SLC1A2: variants seen among roughly 807,000 people sequenced by gnomAD.
The protein encoded by SLC1A2 is excitatory amino acid transporter 2.
A neutral mutation model predicts 48.8 loss-of-function variants in SLC1A2; 15 were observed. The ratio of observed to expected loss-of-function variants is 0.31; its 90% CI spans 0.21 to 0.47. SLC1A2 has a LOEUF of 0.47. Ranked by LOEUF, SLC1A2 falls within the 20% of genes least tolerant of loss-of-function variation. SLC1A2 has a pLI of 0.99. For missense variants in SLC1A2, 502 were observed against 730.5 expected, an observed-to-expected ratio of 0.69 and a Z score of 3.61; for synonymous variants, 279 against 272.6, an observed-to-expected ratio of 1.02 and a Z score of -0.23.
chr11:35,389,139 G>A (rs758890269), intron 1 of SLC1A2, among the ~76,000 whole-genome samples: 1 of 151,456 alleles, frequency 6.6e-6, no homozygotes, highest in Admixed American at 6.6e-5. Flanking sequence ...AAAACTGAGG[G>A]AAAAAAAATA....
At chr11:35,405,201 T>C (rs1176913118) in intron 1 of SLC1A2, among the ~76,000 whole-genome samples, 1 of 152,176 alleles carries the variant, frequency 6.6e-6, no homozygotes, top group East Asian at 1.9e-4. Context: ...TTTCAGGAAA[T>C]ATAAGAATAG....
intron 6 of SLC1A2, 64 bp from the exon 7 acceptor site, chr11:35,292,584 C>T: frequency 2.1e-6 from 2 of 951,732 alleles, no homozygotes. Context: ...ACCTGGGCCT[C>T]CTCTGTACCG....
intron 1 of SLC1A2, among the ~76,000 whole-genome samples, chr11:35,331,922 C>T (rs891524557): frequency 2.9e-4 from 44 of 152,078 alleles, no homozygotes; most frequent in African/African-American, 1.0e-3. Flanking sequence ...TGGGCCCTGT[C>T]CATGTTAGGT....
At chr11:35,375,381 G>C (rs1854189684) in intron 1 of SLC1A2, among the ~76,000 whole-genome samples, 1 of 152,226 alleles carries the variant, frequency 6.6e-6, no homozygotes, top group Non-Finnish European at 1.5e-5. Flanking sequence ...AGGAACAAGG[G>C]GAAGAGAGGA....
At chr11:35,338,396 G>A (rs116051349) in intron 1 of SLC1A2, among the ~76,000 whole-genome samples, 3,164 of 152,028 alleles carry the variant, frequency 0.021, 118 homozygotes, top group African/African-American at 0.072. Flanking sequence ...TCTAACTCCC[G>A]TCCCTATGGT....
intron 8 of SLC1A2, chr11:35,286,484 T>G (rs1388237126): frequency 3.9e-6 from 1 of 259,246 alleles, no homozygotes; most frequent in Non-Finnish European, 7.3e-6. Context: ...GCAAAGAAAT[T>G]ACCCTGCTTC....
chr11:35,392,428 GA>G (rs1004681232), intron 1 of SLC1A2: 3 of 152,238 alleles, frequency 2.0e-5, no homozygotes, highest in African/African-American at 7.2e-5. Context: ...CAGGGCGGTG[GA>G]AGTCACCAGG....
intron 1 of SLC1A2, among the ~76,000 whole-genome samples, chr11:35,361,195 G>T (rs903392364): frequency 2.6e-5 from 4 of 152,042 alleles, no homozygotes; most frequent in Non-Finnish European, 5.9e-5. Context: ...ATTTTAAGAT[G>T]ATGGGGGTCA....
intron 1 of SLC1A2, among the ~76,000 whole-genome samples, chr11:35,352,712 C>T (rs1467651986): frequency 6.6e-6 from 1 of 152,204 alleles, no homozygotes; most frequent in African/African-American, 2.4e-5. Flanking sequence ...TTTTGTAATA[C>T]ACCTTACTGG....
chr11:35,372,557 C>A (rs76591532), intron 1 of SLC1A2, among the ~76,000 whole-genome samples: 7,070 of 152,296 alleles, frequency 0.046, 239 homozygotes, highest in Non-Finnish European at 0.071. Flanking sequence ...TAGCAAAGGA[C>A]CAGCCACAAA....
chr11:35,370,271 C>T (rs74836573), intron 1 of SLC1A2, among the ~76,000 whole-genome samples: 1,633 of 152,246 alleles, frequency 0.011, 21 homozygotes, highest in Non-Finnish European at 0.018. Context: ...CCTCTAAGAA[C>T]TGGGGCTAGG....
At chr11:35,346,239 C>T (rs1404683803) in intron 1 of SLC1A2, among the ~76,000 whole-genome samples, 1 of 152,188 alleles carries the variant, frequency 6.6e-6, no homozygotes, top group Non-Finnish European at 1.5e-5. Flanking sequence ...TTAGCCATGG[C>T]TGCTTTCCAT....
At chr11:35,416,865 T>C (rs1320147341) in intron 1 of SLC1A2, among the ~76,000 whole-genome samples, 1 of 152,216 alleles carries the variant, frequency 6.6e-6, no homozygotes, top group East Asian at 1.9e-4. Context: ...AACAATTTAC[T>C]AATAAAAATC....
chr11:35,351,110 A>G (rs962180199), intron 1 of SLC1A2, among the ~76,000 whole-genome samples: 1 of 152,236 alleles, frequency 6.6e-6, no homozygotes, highest in Non-Finnish European at 1.5e-5. Context: ...TGAGTCAGGT[A>G]CTATCCTCCA....
chr11:35,322,453 C>T (rs1467406430), intron 1 of SLC1A2: 50 of 666,538 alleles, frequency 7.5e-5, no homozygotes, highest in Non-Finnish European at 7.9e-5. Flanking sequence ...CTCTTTTTTC[C>T]ACCTTCACTG....
chr11:35,347,124 A>T (rs1399527950), intron 1 of SLC1A2, among the ~76,000 whole-genome samples: 1 of 152,254 alleles, frequency 6.6e-6, no homozygotes, highest in Non-Finnish European at 1.5e-5. Context: ...GACAAGAAAA[A>T]AGAGTTTGGG....
intron 1 of SLC1A2, among the ~76,000 whole-genome samples, chr11:35,318,679 T>C (rs1302079213): frequency 2.6e-5 from 4 of 152,242 alleles, no homozygotes; most frequent in Non-Finnish European, 5.9e-5. Flanking sequence ...CAACTCTTGC[T>C]AGCTGTGTGG....
chr11:35,377,075 C>T (rs1336237149), intron 1 of SLC1A2, among the ~76,000 whole-genome samples: 1 of 152,218 alleles, frequency 6.6e-6, no homozygotes, highest in African/African-American at 2.4e-5. Flanking sequence ...GTATGTCCCC[C>T]CTTCCAATGT....
chr11:35,331,972 AC>A (rs1315109219), intron 1 of SLC1A2, among the ~76,000 whole-genome samples: 16 of 152,250 alleles, frequency 1.1e-4, no homozygotes, highest in Admixed American at 9.2e-4. Context: ...ATTTGGAGGT[AC>A]TAAGGGGACC....
Sources: gnomAD v4.1 joint callset for allele counts (sites outside exome capture counted in the v4.1 genomes callset) on GRCh38, gnomAD v4.1.1 for gene constraint, MANE v1.5 for transcripts, NCBI Gene and HGNC (gene_info 2026-07-23, HGNC 2026-07-21) for gene names.